Variants in SCML4 observed in about 807,000 individuals in gnomAD.
The protein encoded by SCML4 is sex comb on midleg-like protein 4.
Under a neutral mutation model 41.1 loss-of-function variants are expected in SCML4, and 34 were observed. The observed-to-expected ratio is 0.83, with a 90% CI of 0.63 to 1.10. The LOEUF is 1.10. SCML4 is among the 50% of genes least tolerant of loss of function. The probability of loss-of-function intolerance (pLI) is 0.00; values close to 1 mark genes in which losing one functional copy is unlikely to be tolerated. For missense variants in SCML4, 522 were observed against 534.1 expected (o/e 0.98, Z 0.22); for synonymous variants, 214 against 220.9 (o/e 0.97, Z 0.28).
At chr6:107,814,138 C>T (rs1175744734) in intron 1 of SCML4, among the ~76,000 whole-genome samples, 2 of 152,210 alleles carry the variant, frequency 1.3e-5, no homozygotes, top group Non-Finnish European at 2.9e-5. Flanking sequence ...GGGAGTTAGA[C>T]CCCACATCTC....
chr6:107,794,590 C>CAT (rs1039116493), intron 1 of SCML4, among the ~76,000 whole-genome samples: 11 of 151,796 alleles, frequency 7.2e-5, no homozygotes, highest in African/African-American at 1.9e-4. Flanking sequence ...TATATATGCA[C>CAT]ATATATATAT....
chr6:107,813,652 C>A (rs1204639187), intron 1 of SCML4, among the ~76,000 whole-genome samples: 1 of 151,856 alleles, frequency 6.6e-6, no homozygotes, highest in African/African-American at 2.4e-5. Context: ...CCTTAGGCAT[C>A]AAAAATAAGG....
chr6:107,751,370 G>GC (rs1053070823), intron 2 of SCML4, among the ~76,000 whole-genome samples: 4 of 151,334 alleles, frequency 2.6e-5, no homozygotes, highest in African/African-American at 4.9e-5. Flanking sequence ...AATATTCCAG[G>GC]CAATGTCGAT....
At chr6:107,728,499 C>T (rs1023438787) in intron 5 of SCML4, among the ~76,000 whole-genome samples, 10 of 152,120 alleles carry the variant, frequency 6.6e-5, no homozygotes, top group Non-Finnish European at 1.2e-4. Flanking sequence ...ATCCCAGCTA[C>T]TCAGGAGGCT....
intron 1 of SCML4, among the ~76,000 whole-genome samples, chr6:107,793,686 G>A (rs1782509015): frequency 2.6e-5 from 4 of 152,186 alleles, no homozygotes; most frequent in South Asian, 4.1e-4. Flanking sequence ...ATTGGCTCAC[G>A]CCTGTAATCC....
At chr6:107,844,928 T>C in the SCML4 span, among the ~76,000 whole-genome samples, 2 of 78,938 alleles carry the variant, frequency 2.5e-5, no homozygotes, top group African/African-American at 7.8e-5. Context: ...ATTTTAAATA[T>C]GTATATTAAA....
At chr6:107,824,729 C>G (rs1192401382), upstream of SCML4, among the ~76,000 whole-genome samples, 1 of 152,124 alleles carries the variant, frequency 6.6e-6, no homozygotes, top group Non-Finnish European at 1.5e-5. Flanking sequence ...GTAACATCGT[C>G]TCTTTGTCCC....
chr6:107,748,892 C>T (rs1387997665), intron 3 of SCML4, among the ~76,000 whole-genome samples: 1 of 152,044 alleles, frequency 6.6e-6, no homozygotes, highest in African/African-American at 2.4e-5. Flanking sequence ...CAGGGTGGCC[C>T]GAAGGGATGA....
intron 1 of SCML4, among the ~76,000 whole-genome samples, chr6:107,788,078 A>C (rs1012911268): frequency 6.6e-6 from 1 of 152,240 alleles, no homozygotes; most frequent in African/African-American, 2.4e-5. Context: ...TGTGCAGGTC[A>C]AGGAAAGATG....
chr6:107,822,333 T>TCA (rs1470420271), intron 1 of SCML4, among the ~76,000 whole-genome samples: 4 of 152,172 alleles, frequency 2.6e-5, no homozygotes, highest in Non-Finnish European at 5.9e-5. Context: ...AGACAGCCTT[T>TCA]CACCCTCACC....
At chr6:107,842,943 AT>A in the SCML4 span, among the ~76,000 whole-genome samples, 1 of 152,256 alleles carries the variant, frequency 6.6e-6, no homozygotes, top group East Asian at 1.9e-4. Context: ...TTTGTCAGAT[AT>A]TAATATTATA....
intron 1 of SCML4, among the ~76,000 whole-genome samples, chr6:107,790,867 C>T (rs1230425277): frequency 1.3e-5 from 2 of 152,018 alleles, no homozygotes; most frequent in African/African-American, 2.4e-5. Flanking sequence ...GTCAGGAGTT[C>T]GAGACCAGAC....
intron 1 of SCML4, among the ~76,000 whole-genome samples, chr6:107,805,881 TA>T (rs1417069067): frequency 6.6e-6 from 1 of 152,124 alleles, no homozygotes; most frequent in Non-Finnish European, 1.5e-5. Context: ...TGACAGACAT[TA>T]CCTCTGAAGA....
chr6:107,767,876 G>C (rs1780191606), intron 2 of SCML4, among the ~76,000 whole-genome samples: 1 of 152,150 alleles, frequency 6.6e-6, no homozygotes, highest in African/African-American at 2.4e-5. Flanking sequence ...CCCTCTGCTA[G>C]CTCTGTGTTC....
intron 1 of SCML4, among the ~76,000 whole-genome samples, chr6:107,817,824 C>T (rs1330896231): frequency 6.6e-6 from 1 of 152,002 alleles, no homozygotes; most frequent in Non-Finnish European, 1.5e-5. Flanking sequence ...ATATCACCTC[C>T]CAAATCGAGT....
rs1252054248 is a variant in SCML4, at chr6:107,705,286, T to G, written c.1159A>C (p.Met387Leu). ...GNALLLLKSD[M>L]VMKYLGLKLG... The stretch of plus-strand genomic sequence containing the variant: ...TTCAGGCCCAGGTACTTCATGACCA[T>G]GTCACTCTTCAGCAACAGCAGAGCG... Residue 387 changes from methionine (M) to leucine (L), a missense_variant, in exon 8 of 8, where the codon ATG becomes CTG. Transcript: ENST00000369020. 6.4e-7 allele frequency: 1 copy of G among 1,551,582 alleles called. No individual in the cohort carries two copies. The highest frequency in any genetic ancestry group is 8.7e-7 in the Non-Finnish European group (1 of 1,146,762).
At chr6:107,818,449 A>G (rs1784708453) in intron 1 of SCML4, among the ~76,000 whole-genome samples, 1 of 152,232 alleles carries the variant, frequency 6.6e-6, no homozygotes, top group African/African-American at 2.4e-5. Context: ...AACATTTGTG[A>G]TTATTCTCTT....
intron 5 of SCML4, among the ~76,000 whole-genome samples, chr6:107,728,204 A>T (rs1776182907): frequency 6.6e-6 from 1 of 152,268 alleles, no homozygotes; most frequent in African/African-American, 2.4e-5. Context: ...GAATGCAGAT[A>T]ATTCACTGAC....
At chr6:107,804,736 G>A (rs768208062) in intron 1 of SCML4, among the ~76,000 whole-genome samples, 1 of 152,152 alleles carries the variant, frequency 6.6e-6, no homozygotes, top group Non-Finnish European at 1.5e-5. Context: ...AGCACAACTG[G>A]GAAGCCAAGG....
Sources: allele counts gnomAD v4.1 joint callset (sites outside exome capture counted in the v4.1 genomes callset), GRCh38; gene constraint gnomAD v4.1.1; transcripts MANE v1.5; gene names NCBI Gene and HGNC (gene_info 2026-07-23, HGNC 2026-07-21).